The following TTLL10 variants were observed in gnomAD, a reference collection of about 807,000 sequenced individuals.
TTLL10 encodes tubulin tyrosine ligase like 10.
A neutral mutation model predicts 69.0 loss-of-function variants in TTLL10; 61 were observed. That is an observed-to-expected ratio of 0.88 (90% CI 0.72 to 1.09). TTLL10 has a LOEUF of 1.09. Among genes scored for constraint, TTLL10 ranks in the 50% least tolerant of loss-of-function variants. The pLI is 0.00. For synonymous variants in TTLL10, 408 were observed against 393.3 expected (o/e 1.04, Z -0.44); for missense variants, 962 against 945.9 (o/e 1.02, Z -0.22).
chr1:1,177,436 C>T (rs1275873029), intron 3 of TTLL10, among the ~76,000 whole-genome samples: 1 of 152,222 alleles, frequency 6.6e-6, no homozygotes, highest in Non-Finnish European at 1.5e-5. Flanking sequence ...CTCAGCCCCT[C>T]AAGGAGCTGG....
chr1:1,180,458 T>TCCCCCCCC, intron 6 of TTLL10, 25 bp from the exon 7 acceptor site: 1 of 942,128 alleles, frequency 1.1e-6, no homozygotes, highest in Non-Finnish European at 1.5e-6. Context: ...GGCCCCCAGG[T>TCCCCCCCC]CACCCCCGCC....
intron 13 of TTLL10, 85 bp from the exon 14 acceptor site, chr1:1,196,515 G>A (rs2100926146): frequency 3.0e-6 from 3 of 998,080 alleles, no homozygotes; most frequent in Non-Finnish European, 4.6e-6. Flanking sequence ...GAGTGCAGGT[G>A]AGGGATGTGG....
intron 13 of TTLL10, among the ~76,000 whole-genome samples, chr1:1,190,873 T>C (rs995456539): frequency 2.0e-5 from 3 of 151,996 alleles, no homozygotes; most frequent in Non-Finnish European, 4.4e-5. Flanking sequence ...TCACCTAGGC[T>C]GGAGTGTAAT....
At chr1:1,179,433 C>T in intron 4 of TTLL10, 100 bp downstream of exon 4, 1 of 1,305,244 alleles carries the variant, frequency 7.7e-7, no homozygotes. Context: ...CCTCATGGGG[C>T]AGGGGCAGGA....
In TTLL10 at chr1:1,197,799, G is replaced by T; in HGVS notation, c.1974G>T (p.Pro658=). The T allele has an allele frequency of 6.6e-7, 1 of 1,525,922 alleles. No individual in the cohort carries two copies. The highest frequency in any genetic ancestry group is 1.4e-5 in the African/African-American group (1 of 70,798). The allele number at this position is 1,525,922 out of a possible 1,614,324, so 94.5% of individuals were successfully genotyped here. A position where few individuals can be genotyped will look rare whatever the true frequency, so the allele number is the denominator to read the frequency against. ...GGCACCCGGCGCAAGAGCCTTCCCCGGGGACAGCCAAGGAGGAACGCGAGG... is the reference window on the plus strand; with the variant it reads ...GGCACCCGGCGCAAGAGCCTTCCCCTGGGACAGCCAAGGAGGAACGCGAGG... ...GNRHPAQEPS[P]GTAKEEREEP... Residue 658 remains proline, a synonymous_variant, in exon 16 of 16, where the codon CCG becomes CCT. Transcript: ENST00000379289.
chr1:1,197,281 G>A lies in TTLL10; in HGVS notation c.1612+95G>A, dbSNP rs1027929065. The A allele has an allele frequency of 1.1e-4, 154 of 1,354,374 alleles. No homozygotes were observed. The African/African-American group carries it at 2.0e-3, about 17-fold the overall frequency. The allele number at this position is 1,354,374 out of a possible 1,614,324, so 83.9% of individuals were successfully genotyped here. On this transcript the variant is annotated intron_variant, in intron 15 of 15. Coordinates refer to ENST00000379289, the MANE Select transcript of TTLL10 (RefSeq NM_001130045.2). Reference sequence around the variant, plus strand: ...CCAAGTTCAGACCCCCACAGATGGGGCTCTTCCACCTCCCGAGGGCCTGTG... The same window carrying A: ...CCAAGTTCAGACCCCCACAGATGGGACTCTTCCACCTCCCGAGGGCCTGTG...
At position 1,184,107 on chromosome 1, in the gene TTLL10, G is replaced by A. The variant is rs754093534; in HGVS notation, c.1260+16G>A. ...GACCAACCAGGTGAGTCTGCCATGG[G>A]TGAGGGCCCTCCCTGCAGCCTTGGG... On this transcript the variant is annotated intron_variant, in intron 12 of 15. Transcript: ENST00000379289. The A allele has an allele frequency of 2.5e-6, 4 of 1,614,094 alleles. No individual in the cohort carries two copies. The highest frequency in any genetic ancestry group is 3.4e-6 in the Non-Finnish European group (4 of 1,179,974).
intron 3 of TTLL10, among the ~76,000 whole-genome samples, chr1:1,177,071 T>G (rs533070119): frequency 1.3e-5 from 2 of 151,890 alleles, no homozygotes; most frequent in South Asian, 2.1e-4. Context: ...TGTGTGTGTG[T>G]GTGGGTGTCT....
chr1:1,193,742 G>C (rs9659213), intron 13 of TTLL10, among the ~76,000 whole-genome samples: 15,269 of 152,288 alleles, frequency 0.1, 872 homozygotes, highest in East Asian at 0.15. Flanking sequence ...TGGGATTACA[G>C]GCGTGAGCCA....
intron 6 of TTLL10, 26 bp from the exon 7 acceptor site, chr1:1,180,457 G>GCCCC: frequency 6.6e-7 from 1 of 1,520,752 alleles, no homozygotes; most frequent in South Asian, 1.2e-5. Flanking sequence ...CGGCCCCCAG[G>GCCCC]TCACCCCCGC....
Position 1,197,551 on chromosome 1 carries a change from C to G in TTLL10, c.1726C>G (p.Leu576Val). 3.9e-6 allele frequency: 6 copies of G among 1,521,656 alleles called. 1 individual carries two copies. In the South Asian group the frequency reaches 6.1e-5, roughly 15 times the overall value. The allele number at this position is 1,521,656 out of a possible 1,614,324, so 94.3% of individuals were successfully genotyped here. ...HNGEADPRPHLGGSCSLRRWP... is the reference protein window; with the variant it reads ...HNGEADPRPHVGGSCSLRRWP... ...CGGTGAGGCCGACCCGCGGCCGCAC[C>G]TGGGGGGCTCGTGCAGCCTCCGCCG... The change falls in exon 16 of 16, where the codon CTG (leucine) becomes GTG (valine). Residue 576 changes from leucine (L) to valine (V), a missense_variant. By Grantham distance (32) the Leu-to-Val change is conservative. Coordinates refer to ENST00000379289, the MANE Select transcript of TTLL10 (RefSeq NM_001130045.2).
At chr1:1,191,323 G>A (rs1438927820) in intron 13 of TTLL10, among the ~76,000 whole-genome samples, 1 of 151,936 alleles carries the variant, frequency 6.6e-6, no homozygotes, top group Non-Finnish European at 1.5e-5. Context: ...CTGGTGTGTT[G>A]GCACATACCT....
intron 9 of TTLL10, 42 bp from the exon 10 acceptor site, chr1:1,182,319 C>CG (rs1462247425): frequency 1.3e-6 from 2 of 1,574,322 alleles, no homozygotes; most frequent in Admixed American, 3.3e-5. Context: ...CAGCCAGGGG[C>CG]GAAGGGACAG....
chr1:1,176,006 C>T (rs531789025), intron 3 of TTLL10: 2 of 439,828 alleles, frequency 4.5e-6, no homozygotes, highest in East Asian at 7.2e-5. Flanking sequence ...TGCTCCCAGC[C>T]ACTGTGCAGG....
chr1:1,179,210 C>A lies in TTLL10; in HGVS notation c.-6C>A, dbSNP rs1042312220. ...TCAGGGCCCTCGCCCGGGCACCCCC[C>A]GGCCAATGGACCACAGCTGCACCCG... On this transcript the variant is annotated 5_prime_UTR_variant, in exon 4 of 16. Transcript: ENST00000379289. 1.3e-6 allele frequency: 2 copies of A among 1,537,356 alleles called. No homozygotes were observed. The highest frequency in any genetic ancestry group is 1.2e-5 in the South Asian group (1 of 81,932).
chr1:1,180,454 CAGGTCA>C, intron 6 of TTLL10, 23 bp from the exon 7 acceptor site: 1 of 1,516,838 alleles, frequency 6.6e-7, no homozygotes, highest in Non-Finnish European at 8.9e-7. Flanking sequence ...CCTCGGCCCC[CAGGTCA>C]CCCCCGCCCC....
In TTLL10 at chr1:1,196,760, A is replaced by C. The variant is rs755574521; in HGVS notation, c.1518+44A>C. ...GGGGGCACAGTAGACAGATGCAAGG[A>C]GGCAGGGGCCATCTGTACACCCTGA... On this transcript the variant is annotated intron_variant, in intron 14 of 15. Coordinates refer to ENST00000379289, the MANE Select transcript of TTLL10 (RefSeq NM_001130045.2). 57 of 1,347,856 alleles carry C rather than the reference A, an allele frequency of 4.2e-5. No homozygotes were observed. In the African/African-American group the frequency reaches 7.8e-4, roughly 18 times the overall value. 83.5% of individuals were successfully genotyped at this position (1,347,856 alleles called of 1,614,324 possible).
chr1:1,174,402 G>A (rs72894004), intron 2 of TTLL10, 22 bp from the exon 3 acceptor site: 27,819 of 152,648 alleles, frequency 0.18, 2,688 homozygotes, highest in South Asian at 0.39. Flanking sequence ...ACATGTGGTC[G>A]CTTTTTGGAT....
Position 1,185,128 on chromosome 1 carries a change from C to T in TTLL10, c.1401+19C>T. On this transcript the variant is annotated intron_variant, in intron 13 of 15. Coordinates refer to ENST00000379289, the MANE Select transcript of TTLL10 (RefSeq NM_001130045.2). This position sits in a 1 kb window ranked among gnomAD's most constrained non-coding sequence, Gnocchi z 6.1. The stretch of plus-strand genomic sequence containing the variant: ...CCTCAAGGTGCGTCCACTGTGCCCT[C>T]CAGTCTGGGAGTGAGATCCCTCGGG... The T allele has an allele frequency of 6.2e-7, 1 of 1,608,794 alleles. No individual in the cohort carries two copies. The highest frequency in any genetic ancestry group is 8.5e-7 in the Non-Finnish European group (1 of 1,176,864).
Sources: allele counts gnomAD v4.1 joint callset (sites outside exome capture counted in the v4.1 genomes callset), GRCh38; gene constraint gnomAD v4.1.1; non-coding constraint Gnocchi (gnomAD v3.1); transcripts MANE v1.5; gene names NCBI Gene and HGNC (gene_info 2026-07-23, HGNC 2026-07-21).